Variants in LRRC1 observed in about 807,000 individuals in gnomAD.
The protein encoded by LRRC1 is leucine rich repeat containing 1.
Under a neutral mutation model 69.9 loss-of-function variants are expected in LRRC1, and 28 were observed. The ratio of observed to expected loss-of-function variants is 0.40; its 90% CI spans 0.30 to 0.55. The LOEUF (loss-of-function observed/expected upper bound fraction) is 0.55. Among genes scored for constraint, LRRC1 ranks in the 20% least tolerant of loss-of-function variants. LRRC1 has a pLI of 0.47. For synonymous variants in LRRC1, 236 were observed against 240.2 expected (o/e 0.98, Z 0.16); for missense variants, 498 against 609.0 (o/e 0.82, Z 1.92).
intron 2 of LRRC1, among the ~76,000 whole-genome samples, chr6:53,848,056 A>G (rs902622395): frequency 1.3e-5 from 2 of 152,194 alleles, no homozygotes; most frequent in African/African-American, 4.8e-5. Context: ...AAACTGCCCC[A>G]GTGGCTGGAC....
At chr6:53,893,371 C>A (rs1562063086) in intron 4 of LRRC1, among the ~76,000 whole-genome samples, 1 of 152,108 alleles carries the variant, frequency 6.6e-6, no homozygotes, top group East Asian at 1.9e-4. Context: ...TCCATGTGCT[C>A]TTTTTAGAGT....
chr6:53,906,296 C>T (rs903898330), intron 10 of LRRC1, among the ~76,000 whole-genome samples: 9 of 152,208 alleles, frequency 5.9e-5, no homozygotes, highest in Admixed American at 5.9e-4. Flanking sequence ...CAGGCTCAGC[C>T]CAACCTTTCC....
At chr6:53,904,586 A>G in intron 10 of LRRC1, 124 bp downstream of exon 10, 1 of 608,372 alleles carries the variant, frequency 1.6e-6, no homozygotes, top group Admixed American at 3.3e-5. Context: ...TGTGAACTCT[A>G]AATCTGTGAG....
At chr6:53,857,867 G>T (rs1383348592) in intron 2 of LRRC1, among the ~76,000 whole-genome samples, 2 of 152,218 alleles carry the variant, frequency 1.3e-5, no homozygotes, top group Admixed American at 1.3e-4. Flanking sequence ...ACTGTTTCCT[G>T]CTGGATCTGC....
intron 1 of LRRC1, among the ~76,000 whole-genome samples, chr6:53,808,960 T>C (rs911758602): frequency 6.6e-6 from 1 of 152,244 alleles, no homozygotes; most frequent in Non-Finnish European, 1.5e-5. Flanking sequence ...CAAAGATTAG[T>C]GACACCCATT....
At chr6:53,810,069 G>C (rs1764748072) in intron 1 of LRRC1, among the ~76,000 whole-genome samples, 1 of 152,186 alleles carries the variant, frequency 6.6e-6, no homozygotes, top group African/African-American at 2.4e-5. Context: ...GGTAGGCAAA[G>C]AATAGTTGGA....
chr6:53,911,716 C>G (rs1285937249), intron 10 of LRRC1, among the ~76,000 whole-genome samples: 1 of 152,202 alleles, frequency 6.6e-6, no homozygotes, highest in Admixed American at 6.5e-5. Flanking sequence ...AGCAGGGATG[C>G]GGCAAGGGTG....
intron 3 of LRRC1, among the ~76,000 whole-genome samples, chr6:53,882,623 C>G (rs760802569): frequency 1.3e-5 from 2 of 152,058 alleles, no homozygotes; most frequent in Non-Finnish European, 2.9e-5. Flanking sequence ...TTAGAGCTTG[C>G]ATATCTTTCT....
At chr6:53,868,965 C>G (rs1766794950) in intron 2 of LRRC1, among the ~76,000 whole-genome samples, 1 of 152,186 alleles carries the variant, frequency 6.6e-6, no homozygotes, top group South Asian at 2.1e-4. Flanking sequence ...TCCTGCAGCA[C>G]TTACATTATG....
intron 2 of LRRC1, among the ~76,000 whole-genome samples, chr6:53,854,474 T>C (rs1766246344): frequency 6.6e-6 from 1 of 152,232 alleles, no homozygotes; most frequent in African/African-American, 2.4e-5. Context: ...ATTGGGTGCT[T>C]ACTGTGTACC....
intron 2 of LRRC1, among the ~76,000 whole-genome samples, chr6:53,854,872 C>T (rs528887734): frequency 6.6e-6 from 1 of 152,276 alleles, no homozygotes; most frequent in African/African-American, 2.4e-5. Context: ...ATTGTTTGCA[C>T]TTAAGCACAA....
intron 4 of LRRC1, among the ~76,000 whole-genome samples, chr6:53,894,191 T>C (rs1767794708): frequency 6.6e-6 from 1 of 152,228 alleles, no homozygotes; most frequent in Middle Eastern, 3.2e-3. Flanking sequence ...TGGTTTTGCC[T>C]GTTTCTATCA....
Position 53,904,131 on chromosome 6 carries a change from A to T in LRRC1, c.907-248A>T, listed in dbSNP as rs9474680. On this transcript the variant is annotated intron_variant, in intron 9 of 13. Transcript: ENST00000370888. ...AGCATCTTTTTCCCTTTACAAGATG[A>T]TTCCCTGTTCCCAGGTCTCTACTTT... 0.48 allele frequency among the ~76,000 whole-genome samples: 73,607 copies of T among 152,146 alleles called. 18,081 individuals carry two copies. Among genetic ancestry groups the T allele is most frequent in the Middle Eastern group, 0.54 (160 of 294 alleles).
At chr6:53,859,698 G>C (rs1282276699) in intron 2 of LRRC1, among the ~76,000 whole-genome samples, 2 of 152,100 alleles carry the variant, frequency 1.3e-5, no homozygotes, top group African/African-American at 4.8e-5. Context: ...TGCCAGGGTA[G>C]GGAGAGTCTG....
chr6:53,874,464 T>A (rs1272637874), intron 2 of LRRC1, among the ~76,000 whole-genome samples: 2 of 152,154 alleles, frequency 1.3e-5, no homozygotes, highest in African/African-American at 4.8e-5. Context: ...TATATTTATA[T>A]AAACTAGGAC....
At chr6:53,901,721 G>C (rs531804179) in intron 8 of LRRC1, among the ~76,000 whole-genome samples, 56 of 152,338 alleles carry the variant, frequency 3.7e-4, no homozygotes, top group African/African-American at 1.3e-3. Context: ...ATACCCTGCA[G>C]AAAATGCTAG....
intron 2 of LRRC1, among the ~76,000 whole-genome samples, chr6:53,845,671 A>T (rs1765920209): frequency 6.6e-6 from 1 of 152,148 alleles, no homozygotes; most frequent in African/African-American, 2.4e-5. Flanking sequence ...CATGGAGGAG[A>T]AAGTCCATTG....
intron 2 of LRRC1, among the ~76,000 whole-genome samples, chr6:53,849,061 CT>C (rs569737865): frequency 0.42 from 54,707 of 130,388 alleles, 10,456 homozygotes; most frequent in Middle Eastern, 0.5. Context: ...CCGGCCTATG[CT>C]TTTTTTTTTT....
chr6:53,819,247 G>A (rs146672670), intron 1 of LRRC1, among the ~76,000 whole-genome samples: 3 of 152,226 alleles, frequency 2.0e-5, no homozygotes, highest in East Asian at 1.9e-4. Context: ...GGAAGTTCGG[G>A]TATCTTTTCT....
Sources: allele counts gnomAD v4.1 joint callset (sites outside exome capture counted in the v4.1 genomes callset), GRCh38; gene constraint gnomAD v4.1.1; transcripts MANE v1.5; gene names NCBI Gene and HGNC (gene_info 2026-07-23, HGNC 2026-07-21).